Variants in CDH13 observed in about 807,000 individuals in gnomAD.
The protein encoded by CDH13 is cadherin 13.
Under a neutral mutation model 63.8 loss-of-function variants are expected in CDH13, and 24 were observed. That is an observed-to-expected ratio of 0.38 (90% CI 0.27 to 0.53). The LOEUF (loss-of-function observed/expected upper bound fraction) is 0.53, where lower values mean the gene tolerates loss of function less well. Among genes scored for constraint, CDH13 ranks in the 20% least tolerant of loss-of-function variants. The probability of loss-of-function intolerance (pLI) is 0.85; values close to 1 mark genes in which losing one functional copy is unlikely to be tolerated. For synonymous variants in CDH13, 503 were observed against 355.3 expected, an observed-to-expected ratio of 1.42 and a Z score of -4.67; for missense variants, 1,049 against 903.1, an observed-to-expected ratio of 1.16 and a Z score of -2.07.
intron 4 of CDH13, among the ~76,000 whole-genome samples, chr16:83,170,349 G>A (rs1362483388): frequency 2.0e-5 from 3 of 152,122 alleles, no homozygotes; most frequent in African/African-American, 4.8e-5. Flanking sequence ...TACAAGGTCA[G>A]GGGTGGTGAG....
chr16:82,640,269 C>T (rs909584745), intron 1 of CDH13, among the ~76,000 whole-genome samples: 2 of 152,090 alleles, frequency 1.3e-5, no homozygotes, highest in Non-Finnish European at 2.9e-5. Context: ...AATGTGCTAC[C>T]GTTTGTGAAA....
rs755975400 is a variant in CDH13, at chr16:83,748,152, C to T, written c.1583C>T (p.Pro528Leu). 3.7e-6 allele frequency: 6 copies of T among 1,613,758 alleles called. No homozygotes were observed. The highest frequency in any genetic ancestry group is 5.1e-6 in the Non-Finnish European group (6 of 1,179,846). The change falls in exon 11 of 14, where the codon CCC becomes CTC. Residue 528 changes from proline to leucine, a missense_variant. By Grantham distance (98) the Pro-to-Leu change is moderately conservative. Coordinates refer to ENST00000567109, the MANE Select transcript of CDH13 (RefSeq NM_001257.5). ...CCAGCAGGTTGGCTGAATATTAACC[C>T]CATCAATGGGACTGTTGACACCACA... ...KDPAGWLNIN[P>L]INGTVDTTAV...
chr16:83,529,091 CT>C (rs10562201), intron 7 of CDH13, among the ~76,000 whole-genome samples: 19,035 of 140,378 alleles, frequency 0.14, 2,062 homozygotes, highest in African/African-American at 0.34. Flanking sequence ...ATACCTCTGT[CT>C]TTTTTTTTTT....
chr16:82,960,380 G>A (rs1357162657), intron 2 of CDH13, among the ~76,000 whole-genome samples: 1 of 152,172 alleles, frequency 6.6e-6, no homozygotes, highest in Admixed American at 6.5e-5. Context: ...GGAGGACAGG[G>A]GTGGGAGCTG....
intron 5 of CDH13, among the ~76,000 whole-genome samples, chr16:83,271,561 C>T (rs988977907): frequency 1.4e-5 from 2 of 147,262 alleles, no homozygotes; most frequent in Admixed American, 1.3e-4. Context: ...AAGTAACTGT[C>T]CAGAAAAGAA....
chr16:83,547,442 C>T (rs2075406402), intron 7 of CDH13, among the ~76,000 whole-genome samples: 5 of 152,032 alleles, frequency 3.3e-5, no homozygotes, highest in Admixed American at 3.3e-4. Flanking sequence ...TTTTTCTGAT[C>T]TTCTTCTCCC....
Position 83,686,070 on chromosome 16 carries a change from A to G in CDH13, c.1538+7609A>G, listed in dbSNP as rs149578193. Among the ~76,000 whole-genome samples the G allele has an allele frequency of 9.1e-3, 1,378 of 152,248 alleles. 11 individuals are homozygous for G. The highest frequency in any genetic ancestry group is 0.015 in the Non-Finnish European group (1,003 of 68,020). On this transcript the variant is annotated intron_variant, in intron 10 of 13. Coordinates refer to ENST00000567109, the MANE Select transcript of CDH13 (RefSeq NM_001257.5). ...GTTCTCCCTTTTTACTGATGAGGAG[A>G]GAGAACCTCCCTGAGCCGTGGTTAA...
intron 1 of CDH13, among the ~76,000 whole-genome samples, chr16:82,773,001 C>G (rs543308730): frequency 3.3e-5 from 5 of 152,086 alleles, no homozygotes; most frequent in Admixed American, 6.6e-5. Context: ...ATGTAGAGAG[C>G]GCACGAGAGC....
intron 10 of CDH13, chr16:83,721,776 T>TTAGCAGGGC (rs1348283373): frequency 6.6e-6 from 1 of 152,246 alleles, no homozygotes. Flanking sequence ...CTCAAGTGGT[T>TTAGCAGGGC]TAGCAGGGCT....
At chr16:83,337,503 G>A (rs969045675) in intron 5 of CDH13, among the ~76,000 whole-genome samples, 2 of 151,724 alleles carry the variant, frequency 1.3e-5, no homozygotes, top group African/African-American at 4.8e-5. Context: ...CGGTATCTTA[G>A]TGTCTCCACC....
chr16:83,042,382 C>G (rs1917402339), intron 3 of CDH13, among the ~76,000 whole-genome samples: 1 of 152,172 alleles, frequency 6.6e-6, no homozygotes. Context: ...TGCAAGAGAT[C>G]TAGGTTGCAC....
At chr16:82,797,787 G>GTT (rs1318682445) in intron 1 of CDH13, among the ~76,000 whole-genome samples, 1 of 150,440 alleles carries the variant, frequency 6.6e-6, no homozygotes, top group African/African-American at 2.5e-5. Context: ...GTGTGTGTGT[G>GTT]TGTGTGTGTG....
intron 1 of CDH13, among the ~76,000 whole-genome samples, chr16:82,787,274 C>A (rs2036062651): frequency 6.6e-6 from 1 of 152,134 alleles, no homozygotes; most frequent in Admixed American, 6.6e-5. Flanking sequence ...CTGAGCATGG[C>A]CAATCTACTG....
intron 1 of CDH13, among the ~76,000 whole-genome samples, chr16:82,843,862 C>T (rs1269462141): frequency 6.6e-6 from 1 of 152,212 alleles, no homozygotes; most frequent in Non-Finnish European, 1.5e-5. Context: ...AACACCAGGC[C>T]TGGCTCTGTG....
rs533047828 is a variant in CDH13, at chr16:83,259,806, G to C, written c.636+42309G>C. ...CTGAGGCAAAGAGGTATCCATGGCA[G>C]CTTACCTACCTTTCATGTTTCCAGC... On this transcript the variant is annotated intron_variant, in intron 5 of 13. Transcript: ENST00000567109. 2.0e-4 allele frequency among the ~76,000 whole-genome samples: 31 copies of C among 152,216 alleles called. No homozygotes were observed. The South Asian group carries it at 6.0e-3, about 29-fold the overall frequency.
chr16:83,504,644 G>A (rs531904424), intron 7 of CDH13, among the ~76,000 whole-genome samples: 2 of 152,280 alleles, frequency 1.3e-5, no homozygotes, highest in Non-Finnish European at 2.9e-5. Flanking sequence ...CTGATATGGG[G>A]TCATGGCAGG....
rs2034469236 is a variant in CDH13, at chr16:83,101,348, T to C, written c.367-24037T>C. Among the ~76,000 whole-genome samples the C allele has an allele frequency of 2.7e-5, 4 of 150,484 alleles. No homozygotes were observed. The South Asian group carries it at 8.3e-4, about 31-fold the overall frequency. On this transcript the variant is annotated intron_variant, in intron 3 of 13. Transcript: ENST00000567109. ...GTTTATATACTATATATGTGTAGTA[T>C]ATATAGAACACCATATATATGCTTA...
At position 82,761,017 on chromosome 16, in the gene CDH13, C is replaced by CTTTTTTTTTTTTTTTTTTTTTTT. The variant is rs35038319; in HGVS notation, c.46-97338_46-97316dup. ...CTCTGGGGTTCACATTTCTTTCTTTCTTTTTTTTTTTTTTTTTTTTTTTTT... is the reference window on the plus strand; with the variant it reads ...CTCTGGGGTTCACATTTCTTTCTTTCTTTTTTTTTTTTTTTTTTTTTTTTTTTTTTTTTTTTTTTTTTTTTTTT... On this transcript the variant is annotated intron_variant, in intron 1 of 13. Coordinates refer to ENST00000567109, the MANE Select transcript of CDH13 (RefSeq NM_001257.5). Among the ~76,000 whole-genome samples the CTTTTTTTTTTTTTTTTTTTTTTT allele has an allele frequency of 1.8e-3, 72 of 40,488 alleles. 17 individuals carry two copies. The highest frequency in any genetic ancestry group is 2.9e-3 in the South Asian group (2 of 678). The allele number at this position is 40,488 out of a possible 152,430, so 26.6% of individuals were successfully genotyped here.
intron 9 of CDH13, among the ~76,000 whole-genome samples, chr16:83,671,592 A>G (rs150720470): frequency 1.5e-4 from 23 of 152,360 alleles, no homozygotes; most frequent in African/African-American, 5.0e-4. Flanking sequence ...TTTGCTAAGG[A>G]ATTATTAACA....
Sources: allele counts gnomAD v4.1 joint callset (sites outside exome capture counted in the v4.1 genomes callset), GRCh38; gene constraint gnomAD v4.1.1; transcripts MANE v1.5; gene names NCBI Gene and HGNC (gene_info 2026-07-23, HGNC 2026-07-21).